The following URB1 variants were observed in gnomAD, a reference collection of about 807,000 sequenced individuals.
URB1 encodes nucleolar pre-ribosomal-associated protein 1.
A neutral mutation model predicts 242.3 loss-of-function variants in URB1; 197 were observed. That is an observed-to-expected ratio of 0.81 (90% CI 0.72 to 0.91). The LOEUF is 0.91. Among genes scored for constraint, URB1 ranks in the 40% least tolerant of loss-of-function variants. The probability of loss-of-function intolerance (pLI) is 0.00; values close to 1 mark genes in which losing one functional copy is unlikely to be tolerated. For synonymous variants in URB1, 1,153 were observed against 1,201.8 expected (o/e 0.96, Z 0.84); for missense variants, 2,721 against 2,860.5 (o/e 0.95, Z 1.11).
At chr21:32,348,032 C>A (rs747122518) in intron 21 of URB1, among the ~76,000 whole-genome samples, 5 of 152,246 alleles carry the variant, frequency 3.3e-5, no homozygotes, top group African/African-American at 7.2e-5. Flanking sequence ...ATACCACAAT[C>A]GCCTGAGACA....
At chr21:32,341,021 T>C (rs544828815) in intron 25 of URB1, among the ~76,000 whole-genome samples, 11 of 152,030 alleles carry the variant, frequency 7.2e-5, no homozygotes, top group East Asian at 1.9e-4. Flanking sequence ...AAAAGAATGA[T>C]ACATTAGTGT....
In URB1 at chr21:32,361,153, AG is replaced by A. The variant is rs1402498114; in HGVS notation, c.1640-31del. ...ACAAAAAAAAGAAAAAGAAAGAAAA[AG>A]AGAAAAAAGAAAGAAAGAAAGAAAG... On this transcript the variant is annotated intron_variant, in intron 12 of 38. Coordinates refer to ENST00000382751, the MANE Select transcript of URB1 (RefSeq NM_014825.3). 57 of 981,074 alleles carry A rather than the reference AG, an allele frequency of 5.8e-5. 1 individual carries two copies. The African/African-American group carries it at 6.7e-4, about 12-fold the overall frequency. The allele number at this position is 981,074 out of a possible 1,614,324, so 60.8% of individuals were successfully genotyped here.
chr21:32,319,068 G>T, intron 36 of URB1, 149 bp downstream of exon 36: 1 of 674,364 alleles, frequency 1.5e-6, no homozygotes, highest in Non-Finnish European at 2.4e-6. Context: ...ACCTACACCT[G>T]ACACTGGTGC....
chr21:32,352,646 C>T, intron 19 of URB1, 64 bp downstream of exon 19: 1 of 1,540,444 alleles, frequency 6.5e-7, no homozygotes, highest in Non-Finnish European at 8.8e-7. Flanking sequence ...TGTGGCCCAG[C>T]CAGCTGGGAC....
chr21:32,353,808 G>A, intron 18 of URB1, 125 bp downstream of exon 18: 3 of 1,171,548 alleles, frequency 2.6e-6, no homozygotes, highest in South Asian at 1.7e-5. Context: ...TCACTCTGGG[G>A]GTTCTGACCT....
chr21:32,384,215 T>C, intron 3 of URB1, 98 bp downstream of exon 3: 2 of 1,401,112 alleles, frequency 1.4e-6, no homozygotes, highest in Non-Finnish European at 1.9e-6. Context: ...TCAGCTCTCC[T>C]CTAGCCATAA....
intron 29 of URB1, 63 bp from the exon 30 acceptor site, chr21:32,333,482 T>C: frequency 8.0e-7 from 1 of 1,250,782 alleles, no homozygotes; most frequent in South Asian, 1.4e-5. Flanking sequence ...ACAGGTTGAG[T>C]ATCTCTTATC....
Position 32,361,066 on chromosome 21 carries a change from T to C in URB1, c.1697A>G (p.Gln566Arg), listed in dbSNP as rs2033277695. The part of the protein sequence containing the change: ...AVLLQVICLY[Q>R]KVVPHVVMQY... The stretch of plus-strand genomic sequence containing the variant: ...CATGACCACGTGGGGGACCACCTTC[T>C]GGTAGAGGCATATGACCTGGAGCAA... Residue 566 changes from glutamine (Q) to arginine (R), a missense_variant, in exon 13 of 39, where the codon CAG (glutamine) becomes CGG (arginine). Coordinates refer to ENST00000382751, the MANE Select transcript of URB1 (RefSeq NM_014825.3). The C allele has an allele frequency of 1.3e-6, 2 of 1,550,940 alleles. No homozygotes were observed. The highest frequency in any genetic ancestry group is 1.7e-6 in the Non-Finnish European group (2 of 1,146,934).
chr21:32,389,311 CA>C (rs1032615235), intron 1 of URB1, among the ~76,000 whole-genome samples: 38 of 152,046 alleles, frequency 2.5e-4, no homozygotes, highest in African/African-American at 8.9e-4. Context: ...AAGAAGCAGG[CA>C]GGGCTAGATG....
chr21:32,380,565 T>A (rs2033511957), intron 4 of URB1, among the ~76,000 whole-genome samples: 1 of 152,214 alleles, frequency 6.6e-6, no homozygotes, highest in African/African-American at 2.4e-5. Context: ...GATGCCATCA[T>A]CTCAGGCCAA....
chr21:32,352,342 GT>G (rs2123586273), intron 19 of URB1, among the ~76,000 whole-genome samples: 1 of 152,296 alleles, frequency 6.6e-6, no homozygotes, highest in African/African-American at 2.4e-5. Flanking sequence ...AGCACAGTTT[GT>G]CTAGGGCCAT....
At chr21:32,317,551 G>A in intron 37 of URB1, 125 bp downstream of exon 37, 1 of 1,379,750 alleles carries the variant, frequency 7.2e-7, no homozygotes, top group Non-Finnish European at 9.7e-7. Context: ...CAAGATGGAT[G>A]TGTCCCATCT....
intron 4 of URB1, among the ~76,000 whole-genome samples, chr21:32,381,552 T>A (rs2033527460): frequency 2.6e-5 from 4 of 151,352 alleles, no homozygotes; most frequent in Admixed American, 2.6e-4. Flanking sequence ...TTAAGAAACA[T>A]ATCAACCAAA....
At chr21:32,382,590 G>A (rs2033538366) in intron 4 of URB1, among the ~76,000 whole-genome samples, 1 of 152,104 alleles carries the variant, frequency 6.6e-6, no homozygotes, top group Non-Finnish European at 1.5e-5. Flanking sequence ...ATTCTAATGT[G>A]GTTCTCCACC....
intron 28 of URB1, 93 bp from the exon 29 acceptor site, chr21:32,334,427 G>T (rs1444444886): frequency 2.9e-6 from 4 of 1,386,894 alleles, no homozygotes; most frequent in Non-Finnish European, 3.9e-6. Context: ...TTGTCAGGCT[G>T]CCAGTTCACA....
At position 32,311,415 on chromosome 21, in the gene URB1, AC is replaced by A. The variant is rs545361408; in HGVS notation, c.*3502del. 54 of 118,086 alleles carry A rather than the reference AC, an allele frequency of 4.6e-4. No individual in the cohort carries two copies. The highest frequency in any genetic ancestry group is 1.7e-3 in the South Asian group (15 of 8,614). The allele number at this position is 118,086 out of a possible 1,614,324, so 7.3% of individuals were successfully genotyped here. ...GTCAACCTGCTCCCCTCCACCCCCC[AC>A]CCCCCCCATCCTAAATCAATGTAGG... On this transcript the variant is annotated 3_prime_UTR_variant, in exon 39 of 39. Coordinates refer to ENST00000382751, the MANE Select transcript of URB1 (RefSeq NM_014825.3).
At chr21:32,371,963 TAAA>T (rs939375048) in intron 8 of URB1, among the ~76,000 whole-genome samples, 2 of 146,780 alleles carry the variant, frequency 1.4e-5, no homozygotes, top group African/African-American at 5.0e-5. Flanking sequence ...AACAAAATGT[TAAA>T]AAAAAAAACA....
intron 34 of URB1, 31 bp downstream of exon 34, chr21:32,321,770 G>C: frequency 1.3e-6 from 2 of 1,548,454 alleles, no homozygotes; most frequent in South Asian, 1.2e-5. Flanking sequence ...CAGACCTCTC[G>C]CTCTCAAATA....
chr21:32,374,671 G>A (rs1032100295), intron 6 of URB1, among the ~76,000 whole-genome samples: 2 of 152,084 alleles, frequency 1.3e-5, no homozygotes, highest in African/African-American at 2.4e-5. Context: ...CTGACACTTG[G>A]GGCCAGGTAA....
Sources: gnomAD v4.1 joint callset for allele counts (sites outside exome capture counted in the v4.1 genomes callset) on GRCh38, gnomAD v4.1.1 for gene constraint, MANE v1.5 for transcripts, NCBI Gene and HGNC (gene_info 2026-07-23, HGNC 2026-07-21) for gene names.